Variants in MIS18BP1 observed in about 807,000 individuals in gnomAD.
The protein encoded by MIS18BP1 is mis18-binding protein 1.
MIS18BP1 carries 72 observed loss-of-function variants against 116.1 expected under a neutral mutation model. That is an observed-to-expected ratio of 0.62 (90% CI 0.51 to 0.75). The LOEUF is 0.75. MIS18BP1 is among the 30% of genes least tolerant of loss of function. The probability of loss-of-function intolerance (pLI) is 0.00; values close to 1 mark genes in which losing one functional copy is unlikely to be tolerated. For synonymous variants in MIS18BP1, 386 were observed against 427.0 expected (o/e 0.90, Z 1.18); for missense variants, 1,363 against 1,303.2 (o/e 1.05, Z -0.71).
chr14:45,219,103 C>A (rs775854489), intron 11 of MIS18BP1, among the ~76,000 whole-genome samples: 18 of 152,194 alleles, frequency 1.2e-4, no homozygotes, highest in Non-Finnish European at 2.4e-4. Flanking sequence ...ATAAAGATTT[C>A]ATGCATTGTG....
intron 1 of MIS18BP1, among the ~76,000 whole-genome samples, chr14:45,252,136 G>A (rs1336380998): frequency 6.6e-6 from 1 of 152,110 alleles, no homozygotes; most frequent in Non-Finnish European, 1.5e-5. Flanking sequence ...AAGAGGAACC[G>A]ATTCTACCCG....
intron 11 of MIS18BP1, among the ~76,000 whole-genome samples, chr14:45,218,719 C>G (rs1179229052): frequency 6.6e-6 from 1 of 150,966 alleles, no homozygotes; most frequent in African/African-American, 2.4e-5. Flanking sequence ...GAAAAATGAC[C>G]CTCAGCCTTT....
chr14:45,211,643 C>G (rs1474045388), intron 13 of MIS18BP1, among the ~76,000 whole-genome samples: 4 of 152,232 alleles, frequency 2.6e-5, no homozygotes, highest in South Asian at 2.1e-4. Flanking sequence ...GTAGTTGGAC[C>G]CCTATTGCTG....
At position 45,210,368 on chromosome 14, in the gene MIS18BP1, A is replaced by G; in HGVS notation, c.3152+12T>C. On this transcript the variant is annotated intron_variant, in intron 14 of 16. Coordinates refer to ENST00000310806, the MANE Select transcript of MIS18BP1 (RefSeq NM_018353.5). ...TGCAGAGAATTAACATATCATATGC[A>G]TGAATATTTACCTATTTATAGAACC... The G allele has an allele frequency of 1.2e-6, 2 of 1,611,798 alleles. No homozygotes were observed. Among genetic ancestry groups the G allele is most frequent in the South Asian group, 2.2e-5 (2 of 90,900 alleles).
intron 2 of MIS18BP1, among the ~76,000 whole-genome samples, chr14:45,243,799 T>TGGGAGTC (rs1394905509): frequency 1.3e-5 from 2 of 152,288 alleles, no homozygotes; most frequent in East Asian, 3.9e-4. Flanking sequence ...TTCACTTATG[T>TGGGAGTC]GGGAGTCCCA....
chr14:45,249,875 AAAT>A (rs548859721), intron 1 of MIS18BP1, among the ~76,000 whole-genome samples: 15 of 152,152 alleles, frequency 9.9e-5, no homozygotes, highest in Non-Finnish European at 2.1e-4. Context: ...CTCCAACTGA[AAAT>A]AATAATAATA....
chr14:45,244,219 T>TA (rs1891666764), intron 2 of MIS18BP1, among the ~76,000 whole-genome samples: 1 of 152,212 alleles, frequency 6.6e-6, no homozygotes, highest in Non-Finnish European at 1.5e-5. Context: ...CAAGCGGACT[T>TA]ACACTCTTTA....
Position 45,204,018 on chromosome 14 carries a change from CTTTACAAAG to C in MIS18BP1, c.*82_*90del. ...AAGTCCACATTTTCATAGGAAGCTACTTTACAAAGAAAATACATGTACTCCAGTTGAAAA... is the reference window on the plus strand; with the variant it reads ...AAGTCCACATTTTCATAGGAAGCTACAAAATACATGTACTCCAGTTGAAAA... On this transcript the variant is annotated 3_prime_UTR_variant, in exon 17 of 17. Coordinates refer to ENST00000310806, the MANE Select transcript of MIS18BP1 (RefSeq NM_018353.5). 4 of 1,491,186 alleles carry C rather than the reference CTTTACAAAG, an allele frequency of 2.7e-6. 1 individual carries two copies. In the South Asian group the frequency reaches 5.5e-5, roughly 20 times the overall value. The allele number at this position is 1,491,186 out of a possible 1,614,324, so 92.4% of individuals were successfully genotyped here.
chr14:45,218,479 A>C, intron 11 of MIS18BP1, 25 bp from the exon 12 acceptor site: 1 of 1,570,750 alleles, frequency 6.4e-7, no homozygotes, highest in Non-Finnish European at 8.6e-7. Flanking sequence ...AACCAATTAA[A>C]GAATAAGAAA....
chr14:45,205,458 A>T (rs1052864732), intron 15 of MIS18BP1, among the ~76,000 whole-genome samples: 4 of 152,106 alleles, frequency 2.6e-5, no homozygotes, highest in African/African-American at 9.7e-5. Context: ...ATATATGATA[A>T]TCAGTTATTG....
At chr14:45,210,315 A>G in intron 14 of MIS18BP1, 65 bp downstream of exon 14, 1 of 1,503,706 alleles carries the variant, frequency 6.7e-7, no homozygotes, top group Non-Finnish European at 9.1e-7. Context: ...GTCCTCATGA[A>G]ATGTTTAAAT....
chr14:45,227,368 G>A (rs555842406), intron 9 of MIS18BP1, among the ~76,000 whole-genome samples: 52 of 152,030 alleles, frequency 3.4e-4, no homozygotes, highest in African/African-American at 1.1e-3. Flanking sequence ...TTAGCCAGGC[G>A]TGGTGGTGCA....
Position 45,242,831 on chromosome 14 carries a change from A to G in MIS18BP1, c.588T>C (p.Ile196=), listed in dbSNP as rs143423441. Residue 196 remains isoleucine (I), a synonymous_variant, in exon 3 of 17, where the codon ATT becomes ATC. Coordinates refer to ENST00000310806, the MANE Select transcript of MIS18BP1 (RefSeq NM_018353.5). The part of the protein sequence containing the change: ...GVPLESSNND[I]FLPVKQKIQC... ...GAATCTTTTGTTTGACCGGGAGGAA[A>G]ATATCATTATTTGATGATTCTAGAG... is the stretch of plus-strand genomic sequence containing the variant. The G allele has an allele frequency of 7.7e-5, 125 of 1,613,448 alleles. No individual in the cohort carries two copies. The highest frequency in any genetic ancestry group is 2.9e-5 in the Non-Finnish European group (34 of 1,179,634).
rs1279998999 is a variant in MIS18BP1 at position 45,242,890 on chromosome 14, T to G, written c.545-16A>C. On this transcript the variant is annotated splice_polypyrimidine_tract_variant and intron_variant, in intron 2 of 16. Transcript: ENST00000310806. Reference sequence around the variant, plus strand: ...TGGACTGAGGCTAAGGTTTTATTTTTTAAAGAAAGAAGAAGTTGAATTGTA... The same window carrying G: ...TGGACTGAGGCTAAGGTTTTATTTTGTAAAGAAAGAAGAAGTTGAATTGTA... 1 of 1,525,288 alleles carries G rather than the reference T, an allele frequency of 6.6e-7. No homozygotes were observed. Among genetic ancestry groups the G allele is most frequent in the Admixed American group, 2.1e-5 (1 of 47,366 alleles). The allele number at this position is 1,525,288 out of a possible 1,614,324, so 94.5% of individuals were successfully genotyped here. A position where few individuals can be genotyped will look rare whatever the true frequency, so the allele number is the denominator to read the frequency against.
chr14:45,241,931 A>AT lies in MIS18BP1; in HGVS notation c.1143+102_1143+103insA, dbSNP rs1372179641. 4.3e-5 allele frequency: 56 copies of AT among 1,291,190 alleles called. No homozygotes were observed. The East Asian group carries it at 1.2e-3, about 28-fold the overall frequency. 80.0% of individuals were successfully genotyped at this position (1,291,190 alleles called of 1,614,324 possible). On this transcript the variant is annotated intron_variant, in intron 4 of 16. Coordinates refer to ENST00000310806, the MANE Select transcript of MIS18BP1 (RefSeq NM_018353.5). ...TGTTAATAATGAAGCATACAGGTTC[A>AT]AATCCTAGCTAGAAAAAAAATAATG...
At chr14:45,250,896 G>A (rs1002930612) in intron 1 of MIS18BP1, among the ~76,000 whole-genome samples, 7 of 152,098 alleles carry the variant, frequency 4.6e-5, no homozygotes, top group Non-Finnish European at 1.0e-4. Context: ...AATTAGCCGG[G>A]CGTGGTGACA....
chr14:45,226,071 G>C (rs1891115613), intron 10 of MIS18BP1, among the ~76,000 whole-genome samples: 1 of 151,946 alleles, frequency 6.6e-6, no homozygotes, highest in African/African-American at 2.4e-5. Flanking sequence ...TGTTTACCTG[G>C]GAATTTGAAA....
At chr14:45,245,564 A>AC (rs761915595) in intron 2 of MIS18BP1, among the ~76,000 whole-genome samples, 10 of 152,156 alleles carry the variant, frequency 6.6e-5, no homozygotes, top group African/African-American at 2.2e-4. Flanking sequence ...GGGTTTCTCC[A>AC]CATTGGTCAG....
intron 7 of MIS18BP1, 149 bp from the exon 8 acceptor site, chr14:45,231,447 G>A (rs1197445435): frequency 9.6e-6 from 6 of 622,746 alleles, no homozygotes; most frequent in Non-Finnish European, 1.3e-5. Flanking sequence ...AATCCTTCAT[G>A]GCTTTCACTC....
Sources: allele counts gnomAD v4.1 joint callset (sites outside exome capture counted in the v4.1 genomes callset), GRCh38; gene constraint gnomAD v4.1.1; transcripts MANE v1.5; gene names NCBI Gene and HGNC (gene_info 2026-07-23, HGNC 2026-07-21).